Variants in ZNF292 observed in about 807,000 individuals in gnomAD.
ZNF292 encodes 16 zinc-finger domain protein.
In ZNF292, 26 loss-of-function variants were observed where a neutral mutation model predicts 217.9. The ratio of observed to expected loss-of-function variants is 0.12; its 90% CI spans 0.09 to 0.17. ZNF292 has a LOEUF of 0.17. ZNF292 is among the 10% of genes least tolerant of loss of function. The probability of loss-of-function intolerance (pLI) is 1.00; values close to 1 mark genes in which losing one functional copy is unlikely to be tolerated. For synonymous variants in ZNF292, 1,257 were observed against 1,124.1 expected, an observed-to-expected ratio of 1.12 and a Z score of -2.37; for missense variants, 2,904 against 3,175.2, an observed-to-expected ratio of 0.91 and a Z score of 2.05.
rs1437694184 is a variant in ZNF292, at chr6:87,260,145, T to G, written c.6516T>G (p.Phe2172Leu). 4 of 1,613,342 alleles carry G rather than the reference T, an allele frequency of 2.5e-6. No homozygotes were observed. The highest frequency in any genetic ancestry group is 3.4e-6 in the Non-Finnish European group (4 of 1,179,484). Residue 2172 changes from phenylalanine (F) to leucine (L), a missense_variant, in exon 8 of 8, where the codon TTT (phenylalanine) becomes TTG (leucine). Phe to Leu is a conservative substitution (Grantham distance 22). Transcript: ENST00000369577. The stretch of plus-strand genomic sequence containing the variant: ...AAACTAAACAAACTTTGAAAGAATT[T>G]CGATGTCAGGTAAGTGACTGTTCTC... ...ETETKQTLKEFRCQVSDCSRI... is the reference protein window; with the variant it reads ...ETETKQTLKELRCQVSDCSRI...
intron 4 of ZNF292, among the ~76,000 whole-genome samples, chr6:87,221,888 T>C (rs1277597900): frequency 2.0e-5 from 3 of 152,156 alleles, no homozygotes; most frequent in Non-Finnish European, 2.9e-5. Context: ...TGCTAACAAT[T>C]TATACTTAAG....
chr6:87,160,414 G>A (rs1249900148), intron 1 of ZNF292, among the ~76,000 whole-genome samples: 1 of 152,204 alleles, frequency 6.6e-6, no homozygotes, highest in African/African-American at 2.4e-5. Flanking sequence ...GTGATCTGGT[G>A]GCTGACAGTT....
intron 1 of ZNF292, among the ~76,000 whole-genome samples, chr6:87,156,150 G>T (rs1770529065): frequency 6.6e-6 from 1 of 152,190 alleles, no homozygotes; most frequent in Non-Finnish European, 1.5e-5. Context: ...CCGCCTCTGC[G>T]CCTCTGCTTC....
chr6:87,206,008 T>C (rs1772242258), intron 1 of ZNF292, among the ~76,000 whole-genome samples: 2 of 152,204 alleles, frequency 1.3e-5, no homozygotes, highest in Non-Finnish European at 2.9e-5. Flanking sequence ...GCTGGACTGA[T>C]AGATATGTTT....
rs376919101 is a variant in ZNF292, at chr6:87,162,995, C to T, written c.168+7236C>T. Among the ~76,000 whole-genome samples, 22 of 152,124 alleles carry T rather than the reference C, an allele frequency of 1.4e-4. No individual in the cohort carries two copies. In the East Asian group the frequency reaches 3.5e-3, roughly 24 times the overall value. On this transcript the variant is annotated intron_variant, in intron 1 of 7. Transcript: ENST00000369577. The stretch of plus-strand genomic sequence containing the variant: ...GTGACTTTTAACAATGTATTATTTT[C>T]CAGGAGAGCCTCCTGATTCATTGTT...
chr6:87,188,791 CTG>C (rs964903774), intron 1 of ZNF292, among the ~76,000 whole-genome samples: 1 of 144,270 alleles, frequency 6.9e-6, no homozygotes, highest in African/African-American at 2.6e-5. Flanking sequence ...GTGAATTAAA[CTG>C]TTTAATAAAA....
chr6:87,244,635 T>G (rs1311217409), intron 6 of ZNF292, among the ~76,000 whole-genome samples: 1 of 152,040 alleles, frequency 6.6e-6, no homozygotes, highest in Non-Finnish European at 1.5e-5. Context: ...TAGTACAGAG[T>G]TCAGACAGAA....
At chr6:87,168,953 C>A (rs2127772305) in intron 1 of ZNF292, among the ~76,000 whole-genome samples, 1 of 152,130 alleles carries the variant, frequency 6.6e-6, no homozygotes, top group Non-Finnish European at 1.5e-5. Flanking sequence ...CAAATACTTT[C>A]TCTGTAGATG....
chr6:87,182,595 A>G (rs1328499593), intron 1 of ZNF292, among the ~76,000 whole-genome samples: 1 of 152,196 alleles, frequency 6.6e-6, no homozygotes, highest in Admixed American at 6.5e-5. Flanking sequence ...TAGACATCTA[A>G]ATATGATTGT....
At chr6:87,165,841 C>T (rs376237499) in intron 1 of ZNF292, among the ~76,000 whole-genome samples, 3 of 151,276 alleles carry the variant, frequency 2.0e-5, no homozygotes, top group African/African-American at 7.3e-5. Flanking sequence ...TCACTGCAAC[C>T]TCTGCCTCCA....
intron 5 of ZNF292, among the ~76,000 whole-genome samples, chr6:87,237,737 C>T (rs1214783718): frequency 6.6e-6 from 1 of 152,074 alleles, no homozygotes; most frequent in Non-Finnish European, 1.5e-5. Context: ...CATAATGTGT[C>T]TTTAGCAAAC....
Position 87,259,792 on chromosome 6 carries a change from A to G in ZNF292, c.6163A>G (p.Ser2055Gly). The change falls in exon 8 of 8, where the codon AGT becomes GGT. Residue 2055 changes from serine to glycine, a missense_variant. Ser to Gly is a moderately conservative substitution (Grantham distance 56). Transcript: ENST00000369577. ...VEKKSPDKTE[S>G]SLQVITVTSE... Reference sequence around the variant, plus strand: ...AAAAAAAAGTCCTGACAAAACAGAAAGTTCTTTACAAGTGATTACAGTTAC... The same window carrying G: ...AAAAAAAAGTCCTGACAAAACAGAAGGTTCTTTACAAGTGATTACAGTTAC... 1.9e-6 allele frequency: 3 copies of G among 1,607,262 alleles called. No individual in the cohort carries two copies. Among genetic ancestry groups the G allele is most frequent in the Non-Finnish European group, 2.5e-6 (3 of 1,176,620 alleles).
intron 1 of ZNF292, among the ~76,000 whole-genome samples, chr6:87,175,913 C>A (rs1181393882): frequency 1.3e-5 from 2 of 152,126 alleles, no homozygotes; most frequent in African/African-American, 4.8e-5. Context: ...GTTTGTGACC[C>A]CACCTAGACT....
intron 5 of ZNF292, among the ~76,000 whole-genome samples, chr6:87,235,558 AAAAATCTAGT>A (rs1286586633): frequency 6.7e-6 from 1 of 149,644 alleles, no homozygotes; most frequent in Non-Finnish European, 1.5e-5. Context: ...TGTCTCAAGT[AAAAATCTAGT>A]AAAAAAAAAA....
In ZNF292 at chr6:87,264,481, T is replaced by C. The variant is rs536144325; in HGVS notation, c.*2680T>C. Among the ~76,000 whole-genome samples the C allele has an allele frequency of 6.6e-6, 1 of 152,210 alleles. No individual in the cohort carries two copies. The highest frequency in any genetic ancestry group is 1.5e-5 in the Non-Finnish European group (1 of 68,036). ...GCAGTCACAGTTGCTGTAGATAATA[T>C]GAAAGTACAATAATACTATACCTAG... On this transcript the variant is annotated 3_prime_UTR_variant, in exon 8 of 8. Coordinates refer to ENST00000369577, the MANE Select transcript of ZNF292 (RefSeq NM_015021.3).
chr6:87,181,556 C>T (rs1771473824), intron 1 of ZNF292, among the ~76,000 whole-genome samples: 1 of 152,200 alleles, frequency 6.6e-6, no homozygotes, highest in South Asian at 2.1e-4. Flanking sequence ...CTTTTAGGGC[C>T]ACTGGTCTTC....
chr6:87,161,961 T>A (rs1034608411), intron 1 of ZNF292, among the ~76,000 whole-genome samples: 1 of 152,228 alleles, frequency 6.6e-6, no homozygotes, highest in Non-Finnish European at 1.5e-5. Flanking sequence ...CAAAAGCATC[T>A]TCTAGCTCAT....
At chr6:87,159,799 G>A (rs1770671673) in intron 1 of ZNF292, among the ~76,000 whole-genome samples, 2 of 152,106 alleles carry the variant, frequency 1.3e-5, no homozygotes, top group South Asian at 4.1e-4. Context: ...CTTCTAAGTA[G>A]CTGAGACCTC....
intron 1 of ZNF292, among the ~76,000 whole-genome samples, chr6:87,202,451 A>G (rs978187272): frequency 1.3e-5 from 2 of 152,224 alleles, no homozygotes; most frequent in Non-Finnish European, 2.9e-5. Context: ...ATTGTCTGCA[A>G]TGGTGACATT....
Sources: allele counts gnomAD v4.1 joint callset (sites outside exome capture counted in the v4.1 genomes callset), GRCh38; gene constraint gnomAD v4.1.1; transcripts MANE v1.5; gene names NCBI Gene and HGNC (gene_info 2026-07-23, HGNC 2026-07-21).